Variants in DNAI7 observed in about 807,000 individuals in gnomAD.
DNAI7 encodes the protein cancer susceptibility 1.
In DNAI7, 78 loss-of-function variants were observed where a neutral mutation model predicts 86.6. The observed-to-expected ratio is 0.90, with a 90% CI of 0.75 to 1.09. The LOEUF is 1.09. Ranked by LOEUF, DNAI7 falls within the 50% of genes least tolerant of loss-of-function variation. The pLI, the probability that DNAI7 is intolerant of heterozygous loss-of-function variation, is 0.00. For synonymous variants in DNAI7, 274 were observed against 273.0 expected (o/e 1.00, Z -0.04); for missense variants, 753 against 810.2 (o/e 0.93, Z 0.86).
chr12:25,108,950 A>G, intron 15 of DNAI7, 127 bp from the exon 16 acceptor site: 1 of 583,184 alleles, frequency 1.7e-6, no homozygotes, highest in African/African-American at 1.9e-5. Context: ...GAAACAGTCT[A>G]TGTGTTCCAT....
chr12:25,181,262 C>T (rs1008104916), intron 2 of DNAI7, among the ~76,000 whole-genome samples: 2 of 152,120 alleles, frequency 1.3e-5, no homozygotes, highest in African/African-American at 2.4e-5. Flanking sequence ...AGATGCATGC[C>T]ACTGCATCTG....
At chr12:25,121,641 T>C in intron 11 of DNAI7, 112 bp downstream of exon 11, 3 of 827,686 alleles carry the variant, frequency 3.6e-6, no homozygotes, top group Non-Finnish European at 5.5e-6. Flanking sequence ...AATTACATTT[T>C]TTCCTTTGTG....
In DNAI7 at chr12:25,184,624, T is replaced by A. The variant is rs116757525; in HGVS notation, c.21+5990A>T. On this transcript the variant is annotated intron_variant, in intron 2 of 15. Transcript: ENST00000395987. ...TTTGTTTTATACTGTACAGACATAA[T>A]CTGTTTTGCAGGTGGCAAACTCAGT... Among the ~76,000 whole-genome samples the A allele has an allele frequency of 8.4e-3, 1,283 of 152,328 alleles. 16 individuals are homozygous for A. The highest frequency in any genetic ancestry group is 0.029 in the African/African-American group (1,222 of 41,566).
intron 2 of DNAI7, among the ~76,000 whole-genome samples, chr12:25,188,337 G>C (rs569306849): frequency 1.3e-5 from 2 of 152,284 alleles, no homozygotes; most frequent in South Asian, 2.1e-4. Flanking sequence ...TTTATGAAAA[G>C]ATGTACAGTG....
At chr12:25,154,598 A>G (rs1380941860) in intron 5 of DNAI7, 142 bp from the exon 6 acceptor site, 1 of 722,630 alleles carries the variant, frequency 1.4e-6, no homozygotes, top group Non-Finnish European at 2.2e-6. Context: ...GTAACTTGAG[A>G]GAGCTCTAAA....
At chr12:25,113,409 CT>C (rs1939395985) in intron 13 of DNAI7, among the ~76,000 whole-genome samples, 1 of 152,094 alleles carries the variant, frequency 6.6e-6, no homozygotes, top group Non-Finnish European at 1.5e-5. Context: ...TCAAGCGATT[CT>C]TCCGCCTCGG....
intron 9 of DNAI7, among the ~76,000 whole-genome samples, chr12:25,141,335 T>C (rs1189110098): frequency 6.6e-6 from 1 of 152,176 alleles, no homozygotes; most frequent in African/African-American, 2.4e-5. Flanking sequence ...AGATGCAGAA[T>C]ATCCACAATC....
At chr12:25,175,862 G>A (rs1041744813) in intron 2 of DNAI7, among the ~76,000 whole-genome samples, 1 of 151,338 alleles carries the variant, frequency 6.6e-6, no homozygotes, top group South Asian at 2.1e-4. Flanking sequence ...GGCAGATCAC[G>A]AGGTCAGGAG....
rs747100435 is a variant in DNAI7, at chr12:25,108,647, A to C, written c.2070T>G (p.Ala690=). ...TGACTTTCTCCATTGCTTCCTCAGA[A>C]GCAAAATCCTTCACCATGTGATATA... ...STLYHMVKDF[A]SEEAMEKVRS... Residue 690 remains alanine (A), a synonymous_variant, in exon 16 of 16, where the codon GCT becomes GCG. Coordinates refer to ENST00000395987, the MANE Select transcript of DNAI7 (RefSeq NM_018272.5). The C allele has an allele frequency of 1.2e-6, 2 of 1,613,870 alleles. No individual in the cohort carries two copies. Among genetic ancestry groups the C allele is most frequent in the East Asian group, 4.5e-5 (2 of 44,866 alleles).
chr12:25,167,667 C>T (rs1947642771), intron 2 of DNAI7, among the ~76,000 whole-genome samples: 1 of 152,142 alleles, frequency 6.6e-6, no homozygotes, highest in African/African-American at 2.4e-5. Flanking sequence ...CTCCCTATAC[C>T]TCCGAACTTC....
chr12:25,181,682 A>G (rs930864659), intron 2 of DNAI7, among the ~76,000 whole-genome samples: 2 of 151,080 alleles, frequency 1.3e-5, no homozygotes, highest in Non-Finnish European at 3.0e-5. Context: ...GGAACTTAAT[A>G]AGAAAAAAAA....
Position 25,117,497 on chromosome 12 carries a change from G to T in DNAI7, c.1396+1648C>A, listed in dbSNP as rs1025383862. On this transcript the variant is annotated intron_variant, in intron 12 of 15. Transcript: ENST00000395987. ...ATATAAATCCCTTCACCAACAGATG[G>T]ATATAAAACAACCTTAAAAACAAAG... Among the ~76,000 whole-genome samples the T allele has an allele frequency of 2.6e-5, 4 of 151,848 alleles. No individual in the cohort carries two copies. The East Asian group carries it at 7.7e-4, about 29-fold the overall frequency.
intron 2 of DNAI7, among the ~76,000 whole-genome samples, chr12:25,174,749 C>T (rs375543447): frequency 1.4e-5 from 2 of 138,670 alleles, no homozygotes; most frequent in Non-Finnish European, 3.1e-5. Context: ...ATATATATAT[C>T]ATATATATAT....
At position 25,144,546 on chromosome 12, in the gene DNAI7, G is replaced by T. The variant is rs775826390; in HGVS notation, c.821C>A (p.Thr274Lys). The change falls in exon 9 of 16, where the codon ACA becomes AAA. Residue 274 changes from threonine (T) to lysine (K), a missense_variant. Physicochemically the swap from Thr to Lys is moderately conservative, Grantham distance 78 (BLOSUM62 -1). Transcript: ENST00000395987. ...DHVSALHPVS[T>K]PSKEYTSAVT... ...TGCAGAAGTGTATTCTTTTGATGGT[G>T]TTGAAACAGGGTGCAGTGCAGAAAC... The T allele has an allele frequency of 6.2e-7, 1 of 1,614,084 alleles. No homozygotes were observed. Among genetic ancestry groups the T allele is most frequent in the Non-Finnish European group, 8.5e-7 (1 of 1,180,000 alleles).
intron 9 of DNAI7, among the ~76,000 whole-genome samples, chr12:25,135,591 G>A (rs1375321064): frequency 6.6e-6 from 1 of 152,128 alleles, no homozygotes; most frequent in African/African-American, 2.4e-5. Context: ...TCTTAGCAGG[G>A]AGGCTGGTAG....
chr12:25,133,104 A>G (rs1943124038), intron 9 of DNAI7, among the ~76,000 whole-genome samples: 1 of 150,658 alleles, frequency 6.6e-6, no homozygotes, highest in Non-Finnish European at 1.5e-5. Context: ...TACTTTCATT[A>G]TTTTTATAAT....
At chr12:25,156,275 T>A (rs921830977) in intron 4 of DNAI7, among the ~76,000 whole-genome samples, 3 of 152,222 alleles carry the variant, frequency 2.0e-5, no homozygotes, top group Admixed American at 6.5e-5. Flanking sequence ...GAAATATCAC[T>A]TGTGCAATTA....
At chr12:25,145,359 AC>A in intron 8 of DNAI7, among the ~76,000 whole-genome samples, 1 of 151,778 alleles carries the variant, frequency 6.6e-6, no homozygotes, top group Non-Finnish European at 1.5e-5. Context: ...TACAACCCCC[AC>A]CCCAATCACC....
intron 9 of DNAI7, among the ~76,000 whole-genome samples, chr12:25,135,280 T>C (rs1943409792): frequency 6.6e-6 from 1 of 152,142 alleles, no homozygotes; most frequent in Admixed American, 6.5e-5. Context: ...CCGAATGAAA[T>C]ATAAAAGTAG....
Sources: allele counts gnomAD v4.1 joint callset (sites outside exome capture counted in the v4.1 genomes callset), GRCh38; gene constraint gnomAD v4.1.1; transcripts MANE v1.5; gene names NCBI Gene and HGNC (gene_info 2026-07-23, HGNC 2026-07-21).